Variants in SFMBT1 observed in about 807,000 individuals in gnomAD.
SFMBT1 encodes the protein Scm like with four mbt domains 1.
Under a neutral mutation model 108.7 loss-of-function variants are expected in SFMBT1, and 32 were observed. That is an observed-to-expected ratio of 0.29 (90% CI 0.22 to 0.40). The LOEUF (loss-of-function observed/expected upper bound fraction) is 0.40. SFMBT1 is among the 10% of genes least tolerant of loss of function. The pLI, the probability that SFMBT1 is intolerant of heterozygous loss-of-function variation, is 1.00. For missense variants in SFMBT1, 816 were observed against 1,059.6 expected (o/e 0.77, Z 3.19); for synonymous variants, 348 against 369.5 (o/e 0.94, Z 0.67).
At chr3:52,994,277 T>TC (rs1187029808) in intron 1 of SFMBT1, among the ~76,000 whole-genome samples, 1 of 150,424 alleles carries the variant, frequency 6.6e-6, no homozygotes, top group Non-Finnish European at 1.5e-5. Flanking sequence ...ATAAAAGTAT[T>TC]CCAGCTAATA....
chr3:53,029,828 G>C (rs1372001029), intron 1 of SFMBT1, among the ~76,000 whole-genome samples: 2 of 151,994 alleles, frequency 1.3e-5, no homozygotes, highest in Non-Finnish European at 2.9e-5. Context: ...GGTGGTAGAA[G>C]GCCTCTCCAC....
At chr3:52,945,244 A>T (rs1703329104) in intron 3 of SFMBT1, among the ~76,000 whole-genome samples, 1 of 151,814 alleles carries the variant, frequency 6.6e-6, no homozygotes, top group African/African-American at 2.4e-5. Flanking sequence ...AAAGTAAGGA[A>T]ATGATCAAAA....
chr3:52,925,691 T>C (rs1702639150), intron 10 of SFMBT1, among the ~76,000 whole-genome samples: 1 of 152,234 alleles, frequency 6.6e-6, no homozygotes, highest in East Asian at 1.9e-4. Flanking sequence ...ATTATTTGGA[T>C]AGAAGAATTT....
intron 1 of SFMBT1, among the ~76,000 whole-genome samples, chr3:53,009,749 C>T (rs1049047088): frequency 6.6e-6 from 1 of 152,036 alleles, no homozygotes; most frequent in African/African-American, 2.4e-5. Flanking sequence ...TAACATAAAC[C>T]GTGGATTAAC....
At chr3:52,971,417 G>A (rs1453897101) in intron 1 of SFMBT1, among the ~76,000 whole-genome samples, 1 of 152,092 alleles carries the variant, frequency 6.6e-6, no homozygotes, top group Non-Finnish European at 1.5e-5. Flanking sequence ...TCAAAGATGG[G>A]AACAATTGAA....
intron 1 of SFMBT1, among the ~76,000 whole-genome samples, chr3:53,033,159 A>C (rs886669854): frequency 1.3e-5 from 2 of 151,936 alleles, no homozygotes; most frequent in African/African-American, 2.4e-5. Context: ...TTTTTTAATA[A>C]AATTTGCTTT....
chr3:52,935,610 T>C (rs1418166446), intron 4 of SFMBT1, among the ~76,000 whole-genome samples: 2 of 152,210 alleles, frequency 1.3e-5, no homozygotes, highest in African/African-American at 2.4e-5. Flanking sequence ...TTAGTACATA[T>C]TTCTAAAAGA....
chr3:52,944,877 G>A (rs1429614229), intron 3 of SFMBT1, among the ~76,000 whole-genome samples: 1 of 151,624 alleles, frequency 6.6e-6, no homozygotes, highest in African/African-American at 2.4e-5. Flanking sequence ...AAGTGCAGTG[G>A]TGCAATCTCG....
At chr3:53,040,659 A>T (rs1700010196) in intron 1 of SFMBT1, among the ~76,000 whole-genome samples, 3 of 151,900 alleles carry the variant, frequency 2.0e-5, no homozygotes, top group Non-Finnish European at 4.4e-5. Context: ...TGCACACAGT[A>T]CTGTGCATCA....
intron 1 of SFMBT1, among the ~76,000 whole-genome samples, chr3:52,999,654 T>C (rs1239944286): frequency 6.7e-6 from 1 of 149,892 alleles, no homozygotes; most frequent in African/African-American, 2.4e-5. Context: ...CCAAAGGTCA[T>C]GAGGGGAGTG....
chr3:52,935,917 G>C (rs1184922827), intron 4 of SFMBT1, among the ~76,000 whole-genome samples: 2 of 152,074 alleles, frequency 1.3e-5, no homozygotes, highest in Non-Finnish European at 2.9e-5. Flanking sequence ...GTTTTTTAGA[G>C]TCTGATTTCA....
chr3:52,907,952 C>T (rs915771230), intron 17 of SFMBT1, among the ~76,000 whole-genome samples: 18 of 152,180 alleles, frequency 1.2e-4, no homozygotes, highest in Non-Finnish European at 4.4e-5. Flanking sequence ...ACCCAGAAAG[C>T]TCCCATGGTC....
intron 1 of SFMBT1, among the ~76,000 whole-genome samples, chr3:53,030,973 T>C (rs942898059): frequency 1.3e-5 from 2 of 152,168 alleles, no homozygotes; most frequent in African/African-American, 4.8e-5. Flanking sequence ...TTTTCCCCCA[T>C]AGCTTCAAAA....
intron 1 of SFMBT1, among the ~76,000 whole-genome samples, chr3:53,021,826 G>A (rs2244461): frequency 0.28 from 42,292 of 151,982 alleles, 6,605 homozygotes; most frequent in East Asian, 0.48. Context: ...GAAAAAGCAC[G>A]CAGAAGGGGA....
rs762424873 is a variant in SFMBT1 at position 52,911,010 on chromosome 3, G to C, written c.1899C>G (p.Thr633=). 2 of 1,613,966 alleles carry C rather than the reference G, an allele frequency of 1.2e-6. No individual in the cohort carries two copies. Among genetic ancestry groups the C allele is most frequent in the African/African-American group, 1.3e-5 (1 of 75,032 alleles). ...TGGAAAAACATGACTCACTGTATTTGGTCTTTGTAAGTACAGAACAGTTCT... is the reference window on the plus strand; with the variant it reads ...TGGAAAAACATGACTCACTGTATTTCGTCTTTGTAAGTACAGAACAGTTCT... ...CSENCSVLTK[T]KYTHYYGKKK... is the part of the protein sequence containing the mutation. The change falls in exon 17 of 21, where the codon ACC becomes ACG. Residue 633 remains threonine (T), a synonymous_variant. Transcript: ENST00000394752.
rs1702015832 is a variant in SFMBT1, at chr3:52,904,363, A to G, written c.*773T>C. The stretch of plus-strand genomic sequence containing the variant: ...AGAACAGTAACAGTAGAGTTCTCAG[A>G]TCAGGTCAGTTAAGGAACTGGTGTA... On this transcript the variant is annotated 3_prime_UTR_variant, in exon 21 of 21. Transcript: ENST00000394752. 6.6e-6 allele frequency: 1 copy of G among 152,224 alleles called. No individual in the cohort carries two copies. The highest frequency in any genetic ancestry group is 6.5e-5 in the Admixed American group (1 of 15,280). The allele number at this position is 152,224 out of a possible 1,614,324, so 9.4% of individuals were successfully genotyped here.
intron 1 of SFMBT1, among the ~76,000 whole-genome samples, chr3:53,004,653 A>C (rs1277172309): frequency 6.7e-6 from 1 of 150,182 alleles, no homozygotes; most frequent in African/African-American, 2.4e-5. Context: ...TATGGTAGAC[A>C]ACCAAATGAT....
At chr3:52,920,414 G>T in intron 12 of SFMBT1, 123 bp downstream of exon 12, 1 of 733,690 alleles carries the variant, frequency 1.4e-6, no homozygotes, top group Non-Finnish European at 2.3e-6. Context: ...AATTTCCTAT[G>T]CAGGAACAGA....
Position 53,036,806 on chromosome 3 carries a change from G to A in SFMBT1, c.-131+9010C>T, listed in dbSNP as rs568806448. Among the ~76,000 whole-genome samples the A allele has an allele frequency of 5.3e-5, 8 of 152,322 alleles. No homozygotes were observed. The South Asian group carries it at 1.7e-3, about 32-fold the overall frequency. On this transcript the variant is annotated intron_variant, in intron 1 of 20. Transcript: ENST00000394752. Reference sequence around the variant, plus strand: ...AGAACCTGAATTCTCCTCCAAGGTAGTCTATATCCAGGAGCAGAGAGAGGC... The same window carrying A: ...AGAACCTGAATTCTCCTCCAAGGTAATCTATATCCAGGAGCAGAGAGAGGC...
Sources: allele counts gnomAD v4.1 joint callset (sites outside exome capture counted in the v4.1 genomes callset), GRCh38; gene constraint gnomAD v4.1.1; transcripts MANE v1.5; gene names NCBI Gene and HGNC (gene_info 2026-07-23, HGNC 2026-07-21).